Variants in DNAJC13 observed in about 807,000 individuals in gnomAD.
The protein encoded by DNAJC13 is DnaJ heat shock protein family (Hsp40) member C13, also known as dnaJ homolog subfamily C member 13.
Under a neutral mutation model 290.5 loss-of-function variants are expected in DNAJC13, and 75 were observed. The observed-to-expected ratio is 0.26, with a 90% CI of 0.21 to 0.31. The LOEUF (loss-of-function observed/expected upper bound fraction) is 0.31. Ranked by LOEUF, DNAJC13 falls within the 10% of genes least tolerant of loss-of-function variation. DNAJC13 has a pLI of 1.00. For synonymous variants in DNAJC13, 862 were observed against 892.0 expected (o/e 0.97, Z 0.60); for missense variants, 2,260 against 2,674.5 (o/e 0.85, Z 3.42).
intron 20 of DNAJC13, 73 bp downstream of exon 20, chr3:132,467,386 C>T (rs752738217): frequency 6.7e-7 from 1 of 1,492,422 alleles, no homozygotes; most frequent in Non-Finnish European, 9.2e-7. Flanking sequence ...CTGCTGTTCA[C>T]AGAGATGGTA....
intron 49 of DNAJC13, 22 bp downstream of exon 49, chr3:132,523,019 A>G: frequency 6.2e-7 from 1 of 1,605,162 alleles, no homozygotes; most frequent in Non-Finnish European, 8.5e-7. Context: ...CAAAGGTAAT[A>G]ATTTATAGCC....
chr3:132,502,088 C>A (rs936292347), intron 39 of DNAJC13, among the ~76,000 whole-genome samples: 1 of 152,026 alleles, frequency 6.6e-6, no homozygotes, highest in Non-Finnish European at 1.5e-5. Context: ...TCTGGTATCT[C>A]GTCATGAGGT....
At chr3:132,491,313 C>T (rs1039495858) in intron 32 of DNAJC13, among the ~76,000 whole-genome samples, 4 of 152,192 alleles carry the variant, frequency 2.6e-5, no homozygotes, top group African/African-American at 9.6e-5. Flanking sequence ...CTTCTTAAAT[C>T]AGTTTATAGA....
Position 132,426,162 on chromosome 3 carries a change from C to T in DNAJC13, c.-13-8376C>T, listed in dbSNP as rs56356557. Among the ~76,000 whole-genome samples, 1,318 of 152,230 alleles carry T rather than the reference C, an allele frequency of 8.7e-3. 13 individuals are homozygous for T. Among genetic ancestry groups the T allele is most frequent in the African/African-American group, 0.03 (1,243 of 41,530 alleles). ...AGAGAGGTGAATCTAGCCAAAATGC[C>T]TGTGTTGCCCTGAATTTGACTTTTT... On this transcript the variant is annotated intron_variant, in intron 1 of 55. Transcript: ENST00000260818.
In DNAJC13 at chr3:132,465,014, T is replaced by G. The variant is rs529819586; in HGVS notation, c.1893-981T>G. Among the ~76,000 whole-genome samples the G allele has an allele frequency of 7.2e-5, 11 of 152,324 alleles. No individual in the cohort carries two copies. In the South Asian group the frequency reaches 1.0e-3, roughly 14 times the overall value. The stretch of plus-strand genomic sequence containing the variant: ...TTGCTGTTATAAAATGTTATCTCTT[T>G]TGTCCCTAACTAAAGCCTTTTTAGG... On this transcript the variant is annotated intron_variant, in intron 17 of 55. Coordinates refer to ENST00000260818, the MANE Select transcript of DNAJC13 (RefSeq NM_015268.4).
chr3:132,505,997 G>T (rs1290036468), intron 42 of DNAJC13, among the ~76,000 whole-genome samples: 1 of 148,108 alleles, frequency 6.8e-6, no homozygotes, highest in Non-Finnish European at 1.5e-5. Flanking sequence ...TAAAATTTTT[G>T]AGAATTGCAG....
At chr3:132,440,962 TC>T (rs775248128) in intron 2 of DNAJC13, among the ~76,000 whole-genome samples, 1 of 152,222 alleles carries the variant, frequency 6.6e-6, no homozygotes, top group Non-Finnish European at 1.5e-5. Context: ...ACCATTAATC[TC>T]CTAAGAAATG....
chr3:132,426,653 T>C (rs2107642015), intron 1 of DNAJC13, among the ~76,000 whole-genome samples: 1 of 152,202 alleles, frequency 6.6e-6, no homozygotes, highest in African/African-American at 2.4e-5. Flanking sequence ...ATTTTACAGA[T>C]TTTTTTCATC....
chr3:132,463,745 A>G lies in DNAJC13; in HGVS notation c.1820A>G (p.Glu607Gly), dbSNP rs1362945915. Residue 607 changes from glutamate (E) to glycine (G), a missense_variant, in exon 17 of 56, where the codon GAA (glutamate) becomes GGA (glycine). Glu to Gly is a moderately conservative substitution (Grantham distance 98). Transcript: ENST00000260818. ...AAAATGCAGGAGCTTGCCCTAAGTG[A>G]AGGTGCCTTACCTCGACACTTGCAT... Reference protein sequence around the residue: ...ATKMQELALSEGALPRHLHTA... With the variant: ...ATKMQELALSGGALPRHLHTA... 9.3e-6 allele frequency: 15 copies of G among 1,613,494 alleles called. No individual in the cohort carries two copies. Among genetic ancestry groups the G allele is most frequent in the Non-Finnish European group, 1.3e-5 (15 of 1,179,520 alleles).
At chr3:132,500,707 A>G in intron 38 of DNAJC13, 87 bp from the exon 39 acceptor site, 1 of 1,563,284 alleles carries the variant, frequency 6.4e-7, no homozygotes, top group Non-Finnish European at 8.7e-7. Flanking sequence ...ATTATTCACA[A>G]ATTTCTGCTG....
intron 1 of DNAJC13, among the ~76,000 whole-genome samples, chr3:132,430,063 C>T (rs530199032): frequency 6.6e-6 from 1 of 152,242 alleles, no homozygotes; most frequent in South Asian, 2.1e-4. Flanking sequence ...ATCAGGAATA[C>T]AATATTTATT....
At chr3:132,518,557 A>G (rs1056672068) in intron 48 of DNAJC13, among the ~76,000 whole-genome samples, 5 of 151,950 alleles carry the variant, frequency 3.3e-5, no homozygotes, top group African/African-American at 9.7e-5. Context: ...AGGTTTGGCC[A>G]TGTTGCCCAG....
chr3:132,484,556 A>G (rs1311593798), intron 28 of DNAJC13, 32 bp from the exon 29 acceptor site: 4 of 1,587,764 alleles, frequency 2.5e-6, no homozygotes, highest in Non-Finnish European at 3.5e-6. Context: ...TAACAAATAT[A>G]TTAAATGTTG....
At chr3:132,516,883 C>A in intron 48 of DNAJC13, 67 bp downstream of exon 48, 1 of 1,301,934 alleles carries the variant, frequency 7.7e-7, no homozygotes, top group East Asian at 2.5e-5. Context: ...ATACTGATTT[C>A]AAGAAGTTTA....
chr3:132,500,937 CTA>C, intron 39 of DNAJC13, 24 bp downstream of exon 39: 1 of 1,611,118 alleles, frequency 6.2e-7, no homozygotes, highest in Non-Finnish European at 8.5e-7. Context: ...TTAATGCTTT[CTA>C]GATACAGACA....
chr3:132,507,537 A>G (rs1398171929), intron 43 of DNAJC13, among the ~76,000 whole-genome samples, 184 bp downstream of exon 43: 1 of 150,942 alleles, frequency 6.6e-6, no homozygotes, highest in African/African-American at 2.4e-5. Context: ...TATTGGCACC[A>G]TTTTTCCAAT....
intron 42 of DNAJC13, among the ~76,000 whole-genome samples, chr3:132,505,715 G>T (rs1230899513): frequency 6.6e-6 from 1 of 152,062 alleles, no homozygotes; most frequent in East Asian, 1.9e-4. Flanking sequence ...TAAGTGAAAG[G>T]TGCTTTCCAG....
intron 33 of DNAJC13, among the ~76,000 whole-genome samples, chr3:132,492,840 T>G (rs2107709865): frequency 6.6e-6 from 1 of 152,130 alleles, no homozygotes; most frequent in Non-Finnish European, 1.5e-5. Context: ...AATCTTGATC[T>G]TTTGTGGCAA....
chr3:132,532,476 T>G (rs1279787353), intron 55 of DNAJC13, among the ~76,000 whole-genome samples: 2 of 152,182 alleles, frequency 1.3e-5, no homozygotes, highest in Non-Finnish European at 2.9e-5. Flanking sequence ...GTCATAGGTT[T>G]TTATTTTAAC....
Sources: allele counts gnomAD v4.1 joint callset (sites outside exome capture counted in the v4.1 genomes callset), GRCh38; gene constraint gnomAD v4.1.1; transcripts MANE v1.5; gene names NCBI Gene and HGNC (gene_info 2026-07-23, HGNC 2026-07-21).